Variants in PTPRD observed in about 807,000 individuals in gnomAD.
The protein encoded by PTPRD is protein tyrosine phosphatase receptor type D.
A neutral mutation model predicts 214.5 loss-of-function variants in PTPRD; 34 were observed. The ratio of observed to expected loss-of-function variants is 0.16; its 90% confidence interval spans 0.12 to 0.21. PTPRD has a LOEUF of 0.21. Among genes scored for constraint, PTPRD ranks in the 10% least tolerant of loss-of-function variants. The pLI is 1.00. For missense variants in PTPRD, 2,545 were observed against 2,398.7 expected (o/e 1.06, Z -1.27); for synonymous variants, 1,128 against 845.7 (o/e 1.33, Z -5.79).
At chr9:8,628,602 T>A (rs1299027169) in intron 14 of PTPRD, among the ~76,000 whole-genome samples, 2 of 141,762 alleles carry the variant, frequency 1.4e-5, no homozygotes, top group Admixed American at 7.3e-5. Flanking sequence ...GCCTTCCCAA[T>A]GCATATCAGG....
rs537263796 is a variant in PTPRD at position 10,126,775 on chromosome 9, TC to T, written c.-544-92986del. Among the ~76,000 whole-genome samples the T allele has an allele frequency of 4.1e-4, 63 of 152,226 alleles. 1 individual carries two copies. In the South Asian group the frequency reaches 0.012, roughly 30 times the overall value. Reference sequence around the variant, plus strand: ...TCTAGAAATTTTGCTTGAGAACTGTTCCCTCCATCACTAACTGATAAGGTTG... The same window carrying T: ...TCTAGAAATTTTGCTTGAGAACTGTTCCTCCATCACTAACTGATAAGGTTG... On this transcript the variant is annotated intron_variant, in intron 3 of 45. Coordinates refer to ENST00000381196, the MANE Select transcript of PTPRD (RefSeq NM_002839.4).
intron 2 of PTPRD, among the ~76,000 whole-genome samples, chr9:10,608,552 C>A (rs775891504): frequency 4.6e-5 from 7 of 152,110 alleles, no homozygotes; most frequent in Non-Finnish European, 8.8e-5. Flanking sequence ...ACAGTATAAT[C>A]TGAGAATTTG....
At chr9:10,012,795 C>G (rs2096628392) in intron 4 of PTPRD, among the ~76,000 whole-genome samples, 1 of 151,864 alleles carries the variant, frequency 6.6e-6, no homozygotes, top group Non-Finnish European at 1.5e-5. Flanking sequence ...GACCAAACTG[C>G]TTGCATAGGT....
chr9:10,267,283 T>G (rs56289554), intron 3 of PTPRD, among the ~76,000 whole-genome samples: 4,741 of 151,740 alleles, frequency 0.031, 115 homozygotes, highest in Non-Finnish European at 0.045. Flanking sequence ...TTGAATGATG[T>G]AAATAAAAAA....
chr9:9,433,229 T>C (rs1028902764), intron 8 of PTPRD, among the ~76,000 whole-genome samples: 1 of 152,200 alleles, frequency 6.6e-6, no homozygotes, highest in Non-Finnish European at 1.5e-5. Flanking sequence ...GAGATGCCGA[T>C]ACACTTAAAA....
intron 39 of PTPRD, among the ~76,000 whole-genome samples, chr9:8,351,394 A>AT (rs1167126194): frequency 6.6e-6 from 1 of 150,418 alleles, no homozygotes; most frequent in African/African-American, 2.5e-5. Context: ...TAGTTGAAGT[A>AT]TTTTTTTGTA....
At chr9:8,963,646 G>C (rs1462144355) in intron 11 of PTPRD, among the ~76,000 whole-genome samples, 1 of 151,876 alleles carries the variant, frequency 6.6e-6, no homozygotes, top group East Asian at 1.9e-4. Context: ...TTGAGACATG[G>C]TCTTGCACTG....
In PTPRD at chr9:8,882,884, CA is replaced by C. The variant is rs759863465; in HGVS notation, c.-104+135812del. On this transcript the variant is annotated intron_variant, in intron 11 of 45. Transcript: ENST00000381196. Reference sequence around the variant, plus strand: ...TGGGTGACGGAGCAAGGCTCTGTCTCAAAAAAAAAAAAGGTATTTTAGAGCA... The same window carrying C: ...TGGGTGACGGAGCAAGGCTCTGTCTCAAAAAAAAAAAGGTATTTTAGAGCA... Among the ~76,000 whole-genome samples, 601 of 100,882 alleles carry C rather than the reference CA, an allele frequency of 6.0e-3. 29 individuals carry two copies. The highest frequency in any genetic ancestry group is 0.018 in the African/African-American group (485 of 26,650). The allele number at this position is 100,882 out of a possible 152,430, so 66.2% of individuals were successfully genotyped here. A position where few individuals can be genotyped will look rare whatever the true frequency, so the allele number is the denominator to read the frequency against.
At chr9:9,224,152 G>C (rs773453535) in intron 9 of PTPRD, among the ~76,000 whole-genome samples, 2 of 151,946 alleles carry the variant, frequency 1.3e-5, no homozygotes, top group Admixed American at 1.3e-4. Flanking sequence ...TTGAGAGAGA[G>C]ACAGGCAGCT....
chr9:9,917,956 A>G (rs1392347187), intron 5 of PTPRD, among the ~76,000 whole-genome samples: 1 of 152,030 alleles, frequency 6.6e-6, no homozygotes, highest in African/African-American at 2.4e-5. Context: ...CAAACCCAAA[A>G]CATCTTACTG....
At chr9:8,357,941 C>A (rs540951464) in intron 39 of PTPRD, among the ~76,000 whole-genome samples, 13 of 152,304 alleles carry the variant, frequency 8.5e-5, no homozygotes, top group African/African-American at 3.1e-4. Flanking sequence ...TCCCTTTCCC[C>A]TAAGTAACAA....
At chr9:9,538,130 G>A (rs10977839) in intron 8 of PTPRD, among the ~76,000 whole-genome samples, 1 of 151,798 alleles carries the variant, frequency 6.6e-6, no homozygotes, top group African/African-American at 2.4e-5. Context: ...ATCTTTCAAA[G>A]TATTTCCTCA....
chr9:8,770,054 G>T (rs750613168), intron 11 of PTPRD, among the ~76,000 whole-genome samples: 9 of 152,156 alleles, frequency 5.9e-5, no homozygotes, highest in Non-Finnish European at 1.3e-4. Flanking sequence ...GCCGAGGCCG[G>T]TGGATCACCT....
intron 14 of PTPRD, among the ~76,000 whole-genome samples, chr9:8,534,116 T>C (rs1441413393): frequency 6.6e-6 from 1 of 152,008 alleles, no homozygotes; most frequent in African/African-American, 2.4e-5. Flanking sequence ...GAATATGCAA[T>C]TTATGCTTTT....
At chr9:10,250,375 T>G (rs2092660716) in intron 3 of PTPRD, among the ~76,000 whole-genome samples, 1 of 152,122 alleles carries the variant, frequency 6.6e-6, no homozygotes, top group Admixed American at 6.5e-5. Context: ...GTTTCTACAC[T>G]TTTGAACTCC....
At chr9:9,252,544 A>C (rs181178865) in intron 9 of PTPRD, among the ~76,000 whole-genome samples, 3 of 152,156 alleles carry the variant, frequency 2.0e-5, no homozygotes, top group Admixed American at 6.5e-5. Flanking sequence ...CCTCAGTGAC[A>C]TGAAGATAAC....
intron 10 of PTPRD, among the ~76,000 whole-genome samples, chr9:9,098,758 T>A (rs773994099): frequency 4.7e-4 from 71 of 152,184 alleles, no homozygotes; most frequent in South Asian, 2.1e-4. Flanking sequence ...TGGGGAAAAA[T>A]TAGGTATATT....
At chr9:10,037,824 T>A (rs976555983) in intron 3 of PTPRD, among the ~76,000 whole-genome samples, 1 of 152,152 alleles carries the variant, frequency 6.6e-6, no homozygotes, top group Non-Finnish European at 1.5e-5. Flanking sequence ...AGCTCAAATA[T>A]CTCATCTTAA....
chr9:8,997,844 C>T (rs2099402779), intron 11 of PTPRD, among the ~76,000 whole-genome samples: 1 of 152,072 alleles, frequency 6.6e-6, no homozygotes, highest in African/African-American at 2.4e-5. Flanking sequence ...CCAGTGAATA[C>T]ACAAATGATA....
Sources: gnomAD v4.1 joint callset for allele counts (sites outside exome capture counted in the v4.1 genomes callset) on GRCh38, gnomAD v4.1.1 for gene constraint, MANE v1.5 for transcripts, NCBI Gene and HGNC (gene_info 2026-07-23, HGNC 2026-07-21) for gene names.